The following DRC9 variants were observed in gnomAD, a reference collection of about 807,000 sequenced individuals.
The protein encoded by DRC9 is dynein regulatory complex protein 9.
chr3:197,899,454 G>A, the DRC9 span, among the ~76,000 whole-genome samples: 15 of 152,090 alleles, frequency 9.9e-5, no homozygotes, highest in Admixed American at 2.6e-4. Context: ...TGGCTGTGGC[G>A]GCAGGTACCT....
At chr3:197,950,116 TG>T in the DRC9 span, 1 of 1,231,702 alleles carries the variant, frequency 8.1e-7, no homozygotes, top group East Asian at 3.2e-5. Context: ...TTCTGGCGTT[TG>T]GAGAAGATGC....
the DRC9 span, among the ~76,000 whole-genome samples, chr3:197,921,082 A>C: frequency 6.9e-6 from 1 of 145,398 alleles, no homozygotes; most frequent in African/African-American, 2.7e-5. Flanking sequence ...ACTGGTTTTC[A>C]GTAACTCCGG....
chr3:197,944,873 G>A, the DRC9 span, among the ~76,000 whole-genome samples: 3 of 152,170 alleles, frequency 2.0e-5, no homozygotes, highest in Admixed American at 6.5e-5. Context: ...GAGCCACCGC[G>A]CCTGGCCTAC....
At chr3:197,905,512 T>C in the DRC9 span, among the ~76,000 whole-genome samples, 1 of 152,102 alleles carries the variant, frequency 6.6e-6, no homozygotes, top group East Asian at 1.9e-4. Flanking sequence ...TTCGGGAGGC[T>C]GAGGCGGGTG....
chr3:197,940,187 G>A, the DRC9 span, among the ~76,000 whole-genome samples: 1 of 151,452 alleles, frequency 6.6e-6, no homozygotes, highest in African/African-American at 2.4e-5. Context: ...GTAGAGATGA[G>A]GTTTCGCCAT....
At chr3:197,940,308 CATAT>C in the DRC9 span, among the ~76,000 whole-genome samples, 2 of 146,348 alleles carry the variant, frequency 1.4e-5, no homozygotes, top group African/African-American at 5.0e-5. Flanking sequence ...TAAAAATTTA[CATAT>C]ATATATATAT....
chr3:197,933,969 C>A, the DRC9 span, among the ~76,000 whole-genome samples: 3 of 144,620 alleles, frequency 2.1e-5, no homozygotes, highest in East Asian at 4.0e-4. Flanking sequence ...GGCCACCTCA[C>A]CCAGCTAAAA....
the DRC9 span, among the ~76,000 whole-genome samples, chr3:197,908,046 G>A: frequency 1.4e-5 from 2 of 144,234 alleles, no homozygotes; most frequent in Admixed American, 7.0e-5. Context: ...TGTGAAGAGC[G>A]AGCAACCCTT....
chr3:197,914,106 C>A, the DRC9 span: 1 of 1,380,274 alleles, frequency 7.2e-7, no homozygotes, highest in African/African-American at 1.4e-5. Flanking sequence ...GTTCAGTCAG[C>A]GGCTTACGGT....
chr3:197,901,402 C>T, the DRC9 span, among the ~76,000 whole-genome samples: 3 of 152,132 alleles, frequency 2.0e-5, no homozygotes, highest in South Asian at 2.1e-4. The surrounding 1 kb of genome is among the most constrained non-coding windows in gnomAD (Gnocchi z 4.4). Flanking sequence ...CCTCTCAAAG[C>T]GCTGGGATTA....
the DRC9 span, among the ~76,000 whole-genome samples, chr3:197,920,526 C>T: frequency 1.1e-4 from 16 of 151,740 alleles, no homozygotes; most frequent in Middle Eastern, 3.4e-3. Context: ...CAGGAGTTTG[C>T]GGCCAGCCTG....
chr3:197,920,742 G>A, the DRC9 span, among the ~76,000 whole-genome samples: 1 of 152,096 alleles, frequency 6.6e-6, no homozygotes, highest in Non-Finnish European at 1.5e-5. Flanking sequence ...TTTTATATAT[G>A]AATCTTGGTT....
At chr3:197,959,960 C>T in the DRC9 span, 14 of 526,624 alleles carry the variant, frequency 2.7e-5, no homozygotes, top group African/African-American at 7.7e-5. Context: ...GAAAAACTGC[C>T]TCAAGACACC....
the DRC9 span, among the ~76,000 whole-genome samples, chr3:197,927,770 T>C: frequency 6.6e-6 from 1 of 152,184 alleles, no homozygotes. Flanking sequence ...TGGAATACTA[T>C]GCAGCCATAA....
the DRC9 span, chr3:197,957,678 G>A: frequency 6.6e-6 from 1 of 152,166 alleles, no homozygotes; most frequent in African/African-American, 2.4e-5. Flanking sequence ...ATATTAGAAT[G>A]CTAATGAAAT....
At chr3:197,946,015 T>C in the DRC9 span, among the ~76,000 whole-genome samples, 1 of 152,272 alleles carries the variant, frequency 6.6e-6, no homozygotes, top group African/African-American at 2.4e-5. Context: ...CTCTATATAC[T>C]TGATTTTTTC....
the DRC9 span, chr3:197,944,162 A>G: frequency 1.2e-5 from 11 of 910,558 alleles, no homozygotes; most frequent in Admixed American, 4.8e-5. Flanking sequence ...ACATCGTCGT[A>G]TAATAGAACC....
At chr3:197,960,109 T>A in the DRC9 span, 1 of 875,322 alleles carries the variant, frequency 1.1e-6, no homozygotes, top group Non-Finnish European at 1.7e-6. Flanking sequence ...GCGGCGAACT[T>A]CTAGCGGGTG....
the DRC9 span, chr3:197,892,711 T>TG: frequency 6.2e-7 from 1 of 1,614,204 alleles, no homozygotes; most frequent in Non-Finnish European, 8.5e-7. Context: ...TTCATTTCTG[T>TG]GTCCTTATCG....
Sources: gnomAD v4.1 joint callset for allele counts (sites outside exome capture counted in the v4.1 genomes callset) on GRCh38, gnomAD v4.1.1 for gene constraint, Gnocchi (gnomAD v3.1) non-coding constraint, MANE v1.5 for transcripts, NCBI Gene and HGNC (gene_info 2026-07-23, HGNC 2026-07-21) for gene names.